The following EPHA6 variants were observed in gnomAD, a reference collection of about 807,000 sequenced individuals.
EPHA6 encodes EPH receptor A6, also known as ephrin type-A receptor 6.
EPHA6 carries 50 observed loss-of-function variants against 112.0 expected under a neutral mutation model. That is an observed-to-expected ratio of 0.45 (90% CI 0.36 to 0.56). The LOEUF is 0.56. EPHA6 is among the 20% of genes least tolerant of loss of function. The pLI, the probability that EPHA6 is intolerant of heterozygous loss-of-function variation, is 0.00. For missense variants in EPHA6, 1,280 were observed against 1,417.4 expected, an observed-to-expected ratio of 0.90 and a Z score of 1.56; for synonymous variants, 529 against 490.7, an observed-to-expected ratio of 1.08 and a Z score of -1.03.
rs1239508832 is a variant in EPHA6 at position 97,756,058 on chromosome 3, T to A, written c.*7357T>A. Among the ~76,000 whole-genome samples the A allele has an allele frequency of 6.6e-6, 1 of 152,042 alleles. No homozygotes were observed. Among genetic ancestry groups the A allele is most frequent in the African/African-American group, 2.4e-5 (1 of 41,452 alleles). Reference sequence around the variant, plus strand: ...AATTTACATTTAAACACATCTTCATTCACTTAGAGAAGCCATAATATAATT... The same window carrying A: ...AATTTACATTTAAACACATCTTCATACACTTAGAGAAGCCATAATATAATT... On this transcript the variant is annotated 3_prime_UTR_variant, in exon 18 of 18. Transcript: ENST00000389672.
At chr3:96,936,769 C>A (rs907488364) in intron 2 of EPHA6, among the ~76,000 whole-genome samples, 1 of 152,088 alleles carries the variant, frequency 6.6e-6, no homozygotes, top group South Asian at 2.1e-4. Context: ...CTCCTCCGAC[C>A]CCACAACAGT....
At chr3:97,201,964 C>G (rs1420723103) in intron 3 of EPHA6, among the ~76,000 whole-genome samples, 1 of 152,112 alleles carries the variant, frequency 6.6e-6, no homozygotes, top group African/African-American at 2.4e-5. Context: ...AGTACTCTAA[C>G]TAGGCACTCT....
rs1012303653 is a variant in EPHA6, at chr3:97,716,339, C to A, written c.2785-3922C>A. On this transcript the variant is annotated intron_variant, in intron 14 of 17. Transcript: ENST00000389672. The stretch of plus-strand genomic sequence containing the variant: ...ATCCCAGCACTTTGGGAGGCCGAGG[C>A]GGGTGGATCATGAGGTCAGGAGATC... Among the ~76,000 whole-genome samples, 3 of 124,774 alleles carry A rather than the reference C, an allele frequency of 2.4e-5. 1 individual carries two copies. Among genetic ancestry groups the A allele is most frequent in the Non-Finnish European group, 4.5e-5 (3 of 66,122 alleles). The allele number at this position is 124,774 out of a possible 152,430, so 81.9% of individuals were successfully genotyped here.
chr3:97,536,203 CG>C, intron 11 of EPHA6, among the ~76,000 whole-genome samples: 1 of 152,010 alleles, frequency 6.6e-6, no homozygotes. Flanking sequence ...ACATATACAC[CG>C]GTGTCATTAA....
chr3:97,494,087 T>C (rs1219877919), intron 10 of EPHA6, among the ~76,000 whole-genome samples: 1 of 152,208 alleles, frequency 6.6e-6, no homozygotes, highest in Non-Finnish European at 1.5e-5. Flanking sequence ...TTATGGGTTA[T>C]CTTTGTAGTA....
chr3:97,068,292 G>A (rs72918290), intron 3 of EPHA6, among the ~76,000 whole-genome samples: 8,380 of 152,010 alleles, frequency 0.055, 750 homozygotes, highest in African/African-American at 0.18. Flanking sequence ...ACAAGAAAGT[G>A]GAAAATTCTA....
At chr3:96,983,860 G>C (rs937461512) in intron 2 of EPHA6, among the ~76,000 whole-genome samples, 14 of 152,114 alleles carry the variant, frequency 9.2e-5, no homozygotes, top group African/African-American at 3.1e-4. Flanking sequence ...ACTGAAGCTT[G>C]TGAATTCATC....
intron 6 of EPHA6, among the ~76,000 whole-genome samples, chr3:97,435,371 T>C (rs2107252385): frequency 6.6e-6 from 1 of 152,302 alleles, no homozygotes; most frequent in South Asian, 2.1e-4. Flanking sequence ...GTTGTATTTG[T>C]ATCTGGAAAT....
intron 2 of EPHA6, among the ~76,000 whole-genome samples, chr3:96,883,012 C>T (rs761755649): frequency 6.6e-6 from 1 of 152,172 alleles, no homozygotes; most frequent in African/African-American, 2.4e-5. Context: ...CACTGTTTTC[C>T]ATAGCAATTG....
chr3:96,845,235 A>G (rs9866820), intron 1 of EPHA6, among the ~76,000 whole-genome samples: 2,757 of 152,124 alleles, frequency 0.018, 71 homozygotes, highest in African/African-American at 0.05. Flanking sequence ...GCATGTAAAA[A>G]AATGTAAGTT....
At chr3:97,477,689 A>C (rs1048873975) in intron 8 of EPHA6, among the ~76,000 whole-genome samples, 6 of 152,174 alleles carry the variant, frequency 3.9e-5, no homozygotes, top group Non-Finnish European at 5.9e-5. Flanking sequence ...TGTTAAATAG[A>C]AGAATAAACC....
At chr3:97,176,424 G>T (rs968489929) in intron 3 of EPHA6, among the ~76,000 whole-genome samples, 3 of 151,770 alleles carry the variant, frequency 2.0e-5, no homozygotes, top group Non-Finnish European at 4.4e-5. Context: ...AATGAGTTTG[G>T]AATTATTCCC....
chr3:97,198,608 T>A (rs2077501201), intron 3 of EPHA6, among the ~76,000 whole-genome samples: 1 of 152,162 alleles, frequency 6.6e-6, no homozygotes, highest in Non-Finnish European at 1.5e-5. Flanking sequence ...TTGGCCCCTT[T>A]AATTCTTGAG....
At chr3:97,131,472 G>A (rs763671460) in intron 3 of EPHA6, among the ~76,000 whole-genome samples, 4 of 152,108 alleles carry the variant, frequency 2.6e-5, no homozygotes, top group Non-Finnish European at 5.9e-5. Flanking sequence ...GAGTTATTTG[G>A]TGCCAGATTT....
At position 97,628,288 on chromosome 3, in the gene EPHA6, T is replaced by A. The variant is rs535885375; in HGVS notation, c.2575-9585T>A. Among the ~76,000 whole-genome samples the A allele has an allele frequency of 3.9e-5, 6 of 151,924 alleles. No homozygotes were observed. The East Asian group carries it at 7.8e-4, about 20-fold the overall frequency. On this transcript the variant is annotated intron_variant, in intron 13 of 17. Transcript: ENST00000389672. ...TTGCTGATGGATTGGATAAAGTGCA[T>A]AAAAGAAAGAGAAAATCAAGGACAA...
intron 17 of EPHA6, 108 bp from the exon 18 acceptor site, chr3:97,748,479 T>A (rs1173520467): frequency 2.3e-5 from 15 of 665,370 alleles, no homozygotes; most frequent in Non-Finnish European, 3.9e-5. Flanking sequence ...ATTCACTTTA[T>A]CTTGCATGCT....
At chr3:97,679,833 T>C (rs749761274) in intron 14 of EPHA6, among the ~76,000 whole-genome samples, 2 of 152,162 alleles carry the variant, frequency 1.3e-5, no homozygotes, top group Non-Finnish European at 2.9e-5. Context: ...AAAGACACAT[T>C]AACTTATTAA....
At chr3:96,831,435 A>T (rs1055014556) in intron 1 of EPHA6, among the ~76,000 whole-genome samples, 2 of 151,988 alleles carry the variant, frequency 1.3e-5, no homozygotes, top group Admixed American at 6.6e-5. Context: ...AGTGTCTGTA[A>T]GAATTGTTGC....
At chr3:97,424,527 A>G (rs1021515017) in intron 6 of EPHA6, among the ~76,000 whole-genome samples, 3 of 152,098 alleles carry the variant, frequency 2.0e-5, no homozygotes, top group Admixed American at 2.0e-4. Context: ...ATTAGTGGCC[A>G]TGCTTGGTGG....
Sources: gnomAD v4.1 joint callset for allele counts (sites outside exome capture counted in the v4.1 genomes callset) on GRCh38, gnomAD v4.1.1 for gene constraint, MANE v1.5 for transcripts, NCBI Gene and HGNC (gene_info 2026-07-23, HGNC 2026-07-21) for gene names.